VPS8: variants seen among roughly 807,000 people sequenced by gnomAD.
VPS8 encodes vacuolar protein sorting-associated protein 8 homolog.
Under a neutral mutation model 216.4 loss-of-function variants are expected in VPS8, and 129 were observed. The observed-to-expected ratio is 0.60, with a 90% CI of 0.52 to 0.69. VPS8 has a LOEUF of 0.69. Among genes scored for constraint, VPS8 ranks in the 30% least tolerant of loss-of-function variants. The pLI is 0.00. For synonymous variants in VPS8, 571 were observed against 565.4 expected, an observed-to-expected ratio of 1.01 and a Z score of -0.14; for missense variants, 1,531 against 1,683.5, an observed-to-expected ratio of 0.91 and a Z score of 1.59.
At chr3:184,929,465 T>G in intron 32 of VPS8, 115 bp from the exon 33 acceptor site, 2 of 645,438 alleles carry the variant, frequency 3.1e-6, no homozygotes, top group Non-Finnish European at 5.4e-6. Context: ...GCTTGGATTA[T>G]AAGCATGAGC....
rs1208335384 is a variant in VPS8 at position 184,896,970 on chromosome 3, T to C, written c.2005-1595T>C. 7.9e-5 allele frequency among the ~76,000 whole-genome samples: 12 copies of C among 152,086 alleles called. No homozygotes were observed. In the East Asian group the frequency reaches 2.3e-3, roughly 29 times the overall value. ...AAGATCTTGGAAGAGAAGATTGTTA[T>C]AGGTAAAAGCAACAGCTAGCATTTA... On this transcript the variant is annotated intron_variant, in intron 23 of 47. Transcript: ENST00000625842.
chr3:184,968,879 T>C (rs1747862841), intron 39 of VPS8, among the ~76,000 whole-genome samples: 1 of 152,192 alleles, frequency 6.6e-6, no homozygotes, highest in Non-Finnish European at 1.5e-5. Context: ...CTCTGTAGAT[T>C]ACTTACCTAT....
chr3:184,869,471 C>G lies in VPS8; in HGVS notation c.1598-11C>G. ...ACTTTTGTTTTTTTGTTGGATTTTC[C>G]TTCTCTGCAGGATTATCAGGGGATG... On this transcript the variant is annotated splice_polypyrimidine_tract_variant and intron_variant, in intron 19 of 47. Transcript: ENST00000625842. The G allele has an allele frequency of 6.2e-7, 1 of 1,612,742 alleles. No homozygotes were observed. Among genetic ancestry groups the G allele is most frequent in the East Asian group, 2.2e-5 (1 of 44,810 alleles).
intron 45 of VPS8, among the ~76,000 whole-genome samples, chr3:185,019,635 GT>G (rs1384846516): frequency 6.6e-6 from 1 of 152,252 alleles, no homozygotes; most frequent in Non-Finnish European, 1.5e-5. Context: ...AACACCTTAA[GT>G]GGTTTTCCAC....
intron 16 of VPS8, 145 bp downstream of exon 16, chr3:184,863,212 G>T (rs1726702249): frequency 1.1e-6 from 1 of 893,332 alleles, no homozygotes. Context: ...GGTTGAAGTG[G>T]GTGTGGATGT....
chr3:184,914,741 A>G (rs1043951716), intron 26 of VPS8, among the ~76,000 whole-genome samples: 10 of 152,186 alleles, frequency 6.6e-5, no homozygotes, highest in African/African-American at 2.2e-4. Flanking sequence ...CTTAGGAAAC[A>G]TACGAAGAAA....
chr3:184,944,135 G>A (rs1743254821), intron 36 of VPS8, among the ~76,000 whole-genome samples: 1 of 152,178 alleles, frequency 6.6e-6, no homozygotes, highest in Non-Finnish European at 1.5e-5. Context: ...TTTTTAAAAG[G>A]ATAGGTCATC....
At chr3:184,962,665 A>G (rs956773738) in intron 37 of VPS8, among the ~76,000 whole-genome samples, 4 of 151,650 alleles carry the variant, frequency 2.6e-5, no homozygotes, top group Non-Finnish European at 5.9e-5. Context: ...TTATTATGGC[A>G]CATCATTTAA....
intron 45 of VPS8, among the ~76,000 whole-genome samples, chr3:185,023,232 T>G (rs989896241): frequency 6.4e-4 from 78 of 122,478 alleles, no homozygotes; most frequent in African/African-American, 4.2e-3. Flanking sequence ...TAGATATACT[T>G]TTTTTTATCT....
chr3:184,849,140 C>T lies in VPS8; in HGVS notation c.611C>T (p.Ala204Val). ...GGAGGTCAGTATGGCGCTATCTCTG[C>T]CCTCAGTATCAACAATGATTGCTCA... is the stretch of plus-strand genomic sequence containing the variant. ...SVGGQYGAISALSINNDCSRL... is the reference protein window; with the variant it reads ...SVGGQYGAISVLSINNDCSRL... Residue 204 changes from alanine to valine, a missense_variant, in exon 9 of 48, where the codon GCC (alanine) becomes GTC (valine). Coordinates refer to ENST00000625842, the MANE Select transcript of VPS8 (RefSeq NM_001009921.3). 1.2e-6 allele frequency: 2 copies of T among 1,613,602 alleles called. No homozygotes were observed. The highest frequency in any genetic ancestry group is 1.7e-6 in the Non-Finnish European group (2 of 1,179,632).
Position 185,031,063 on chromosome 3 carries a change from GTTTTT to G in VPS8, c.4056+6698_4056+6702del, listed in dbSNP as rs765510619. On this transcript the variant is annotated intron_variant, in intron 46 of 47. Transcript: ENST00000625842. Reference sequence around the variant, plus strand: ...AATTTTTGTTGAATTACAGGTTGGCGTTTTTTTTTTTTTTTTTTTTTTTTTTTTAA... The same window carrying G: ...AATTTTTGTTGAATTACAGGTTGGCGTTTTTTTTTTTTTTTTTTTTTTTAA... Among the ~76,000 whole-genome samples, 270 of 64,340 alleles carry G rather than the reference GTTTTT, an allele frequency of 4.2e-3. 3 individuals are homozygous for G. Among genetic ancestry groups the G allele is most frequent in the African/African-American group, 0.018 (254 of 14,496 alleles). 42.2% of individuals were successfully genotyped at this position (64,340 alleles called of 152,430 possible).
rs767997673 is a variant in VPS8 at position 184,894,934 on chromosome 3, A to G, written c.2004+9A>G. ...GCCTAGATATTCAGCAGGTGAGTTTATAGACAGTCTACTAACTTATGAAAT... is the reference window on the plus strand; with the variant it reads ...GCCTAGATATTCAGCAGGTGAGTTTGTAGACAGTCTACTAACTTATGAAAT... On this transcript the variant is annotated intron_variant, in intron 23 of 47. Coordinates refer to ENST00000625842, the MANE Select transcript of VPS8 (RefSeq NM_001009921.3). 4.4e-6 allele frequency: 7 copies of G among 1,587,798 alleles called. No homozygotes were observed. Among genetic ancestry groups the G allele is most frequent in the Non-Finnish European group, 4.3e-6 (5 of 1,164,930 alleles).
chr3:184,936,198 G>C, intron 34 of VPS8, 48 bp from the exon 35 acceptor site: 1 of 1,514,770 alleles, frequency 6.6e-7, no homozygotes, highest in Non-Finnish European at 9.0e-7. Flanking sequence ...TGGATATGCT[G>C]TTTAAATGAG....
intron 42 of VPS8, among the ~76,000 whole-genome samples, chr3:184,984,924 CTT>C (rs146997594): frequency 0.039 from 5,868 of 152,200 alleles, 340 homozygotes; most frequent in African/African-American, 0.13. Flanking sequence ...TATTTCAAGA[CTT>C]TGGAATCTAG....
At chr3:184,963,372 T>G (rs1219617595) in intron 37 of VPS8, among the ~76,000 whole-genome samples, 1 of 152,150 alleles carries the variant, frequency 6.6e-6, no homozygotes, top group African/African-American at 2.4e-5. Flanking sequence ...TTTATAGCTT[T>G]TATATAAGGT....
chr3:184,869,551 T>G, intron 20 of VPS8, 23 bp downstream of exon 20: 1 of 1,611,644 alleles, frequency 6.2e-7, no homozygotes, highest in Non-Finnish European at 8.5e-7. Context: ...AGAGGGTCTT[T>G]ACTAGAATAC....
chr3:184,846,531 A>G (rs1723162208), intron 8 of VPS8, among the ~76,000 whole-genome samples: 1 of 152,218 alleles, frequency 6.6e-6, no homozygotes, highest in Non-Finnish European at 1.5e-5. Context: ...GATTTAAAGT[A>G]TGAACGTTGT....
chr3:184,994,196 G>A (rs1577090265), intron 43 of VPS8, 133 bp downstream of exon 43: 4 of 590,148 alleles, frequency 6.8e-6, no homozygotes, highest in Non-Finnish European at 5.6e-6. Flanking sequence ...GTGTATGTGT[G>A]TGTATTTCTT....
intron 46 of VPS8, among the ~76,000 whole-genome samples, chr3:185,037,982 T>C (rs1456133137): frequency 6.6e-6 from 1 of 152,238 alleles, no homozygotes; most frequent in African/African-American, 2.4e-5. Flanking sequence ...GAAGTTTGTT[T>C]CCTGCTTTTT....
Sources: gnomAD v4.1 joint callset for allele counts (sites outside exome capture counted in the v4.1 genomes callset) on GRCh38, gnomAD v4.1.1 for gene constraint, MANE v1.5 for transcripts, NCBI Gene and HGNC (gene_info 2026-07-23, HGNC 2026-07-21) for gene names.